The following ANO2 variants were observed in gnomAD, a reference collection of about 807,000 sequenced individuals.
ANO2 encodes anoctamin 2, also known as anoctamin-2.
Under a neutral mutation model 124.2 loss-of-function variants are expected in ANO2, and 101 were observed. The observed-to-expected ratio is 0.81, with a 90% CI of 0.69 to 0.96. ANO2 has a LOEUF of 0.96. ANO2 is among the 40% of genes least tolerant of loss of function. The pLI is 0.00. For synonymous variants in ANO2, 486 were observed against 482.5 expected, an observed-to-expected ratio of 1.01 and a Z score of -0.09; for missense variants, 1,293 against 1,274.5, an observed-to-expected ratio of 1.01 and a Z score of -0.22.
chr12:5,734,935 C>T (rs539973616), intron 13 of ANO2, among the ~76,000 whole-genome samples: 1 of 152,346 alleles, frequency 6.6e-6, no homozygotes, highest in East Asian at 1.9e-4. Context: ...CAGGCGTGAA[C>T]CACTGCACCC....
chr12:5,778,940 T>G (rs1003999200), intron 10 of ANO2, among the ~76,000 whole-genome samples: 2 of 152,218 alleles, frequency 1.3e-5, no homozygotes, highest in Non-Finnish European at 2.9e-5. Context: ...TGATTTATTT[T>G]TTGGTTCCCA....
At chr12:5,918,141 A>C (rs1941488079) in intron 3 of ANO2, among the ~76,000 whole-genome samples, 2 of 152,160 alleles carry the variant, frequency 1.3e-5, no homozygotes, top group Non-Finnish European at 2.9e-5. Flanking sequence ...TGGAGAGACC[A>C]TCTCAGCAGA....
intron 1 of ANO2, among the ~76,000 whole-genome samples, chr12:5,933,517 G>A (rs1942520765): frequency 6.6e-6 from 1 of 152,156 alleles, no homozygotes; most frequent in South Asian, 2.1e-4. Context: ...TGGGTGGATG[G>A]ACAGGTGGGT....
intron 19 of ANO2, among the ~76,000 whole-genome samples, chr12:5,605,084 G>T (rs1415730755): frequency 1.3e-5 from 2 of 152,074 alleles, no homozygotes; most frequent in Non-Finnish European, 2.9e-5. Flanking sequence ...CCCTAGACAG[G>T]TCCCTACAGA....
intron 12 of ANO2, among the ~76,000 whole-genome samples, chr12:5,742,356 A>T (rs1951122777): frequency 6.6e-6 from 1 of 152,220 alleles, no homozygotes; most frequent in South Asian, 2.1e-4. Context: ...AATCACATAA[A>T]GCACAGCAAG....
In ANO2 at chr12:5,578,006, TC is replaced by T. The variant is rs1942515592; in HGVS notation, c.2387del (p.Gly796GlufsTer60). ...RPDAVRTKDI[G>X]IWFDILSGIG... ...TTCCAGAGAGAATGTCAAACCAGAT[TC>T]CTACAAGACAGAAAAGACAGCGTCT... On this transcript the variant is annotated frameshift_variant and splice_region_variant, in exon 22 of 25. Coordinates refer to ENST00000682330, the MANE Select transcript of ANO2 (RefSeq NM_001364791.2). LOFTEE classifies it high-confidence loss of function. The T allele has an allele frequency of 2.5e-6, 4 of 1,613,672 alleles. No homozygotes were observed. The highest frequency in any genetic ancestry group is 3.4e-6 in the Non-Finnish European group (4 of 1,179,736).
At chr12:5,745,747 C>T (rs887292275) in intron 11 of ANO2, among the ~76,000 whole-genome samples, 18 of 152,174 alleles carry the variant, frequency 1.2e-4, no homozygotes, top group African/African-American at 4.3e-4. Context: ...ACCCCAGTTC[C>T]TCCACTGACT....
intron 7 of ANO2, among the ~76,000 whole-genome samples, chr12:5,817,838 A>G (rs539986103): frequency 6.6e-6 from 1 of 152,342 alleles, no homozygotes; most frequent in East Asian, 1.9e-4. Context: ...CAAGTCATCT[A>G]TATAGAGAAA....
chr12:5,804,814 A>G (rs1953142216), intron 9 of ANO2, among the ~76,000 whole-genome samples: 1 of 152,154 alleles, frequency 6.6e-6, no homozygotes, highest in South Asian at 2.1e-4. Context: ...GATCTCTCCT[A>G]TGACTTGCTG....
At chr12:5,713,205 A>C (rs561922729) in intron 14 of ANO2, among the ~76,000 whole-genome samples, 1 of 152,240 alleles carries the variant, frequency 6.6e-6, no homozygotes, top group South Asian at 2.1e-4. Context: ...GAGTGGTTCA[A>C]CCCTGCCATG....
At chr12:5,867,173 G>C (rs1955449199) in intron 3 of ANO2, among the ~76,000 whole-genome samples, 1 of 152,176 alleles carries the variant, frequency 6.6e-6, no homozygotes, top group African/African-American at 2.4e-5. Flanking sequence ...CTTTGAACAT[G>C]TACAAAGAAG....
chr12:5,625,591 T>C (rs1945357384), intron 16 of ANO2, among the ~76,000 whole-genome samples: 2 of 152,094 alleles, frequency 1.3e-5, no homozygotes, highest in Admixed American at 1.3e-4. Context: ...TTGGCCCCTG[T>C]GATTCTGCTC....
rs114291671 is a variant in ANO2 at position 5,655,077 on chromosome 12, C to T, written c.1546-7276G>A. On this transcript the variant is annotated intron_variant, in intron 14 of 24. Transcript: ENST00000682330. ...TGTGTCCAAATTGCCCCTCTCTCTA[C>T]GCAAGTCCCCTATTCTTCTATCCCT... is the stretch of plus-strand genomic sequence containing the variant. Among the ~76,000 whole-genome samples the T allele has an allele frequency of 2.9e-3, 440 of 152,264 alleles. 3 individuals are homozygous for T. The highest frequency in any genetic ancestry group is 0.01 in the African/African-American group (417 of 41,542).
chr12:5,715,490 T>C lies in ANO2; in HGVS notation c.1545+17030A>G, dbSNP rs368626857. Among the ~76,000 whole-genome samples, 100 of 152,202 alleles carry C rather than the reference T, an allele frequency of 6.6e-4. 1 individual carries two copies. The highest frequency in any genetic ancestry group is 1.7e-3 in the African/African-American group (72 of 41,516). ...ACCCATTCCCAGGATGAGATAAATTTCTCCCTAGCCAGAATTGGACCCCAA... is the reference window on the plus strand; with the variant it reads ...ACCCATTCCCAGGATGAGATAAATTCCTCCCTAGCCAGAATTGGACCCCAA... On this transcript the variant is annotated intron_variant, in intron 14 of 24. Coordinates refer to ENST00000682330, the MANE Select transcript of ANO2 (RefSeq NM_001364791.2).
intron 10 of ANO2, among the ~76,000 whole-genome samples, chr12:5,780,194 T>G (rs1952347075): frequency 6.6e-6 from 1 of 152,212 alleles, no homozygotes; most frequent in African/African-American, 2.4e-5. Flanking sequence ...TTAATATACC[T>G]CTATGCATAT....
chr12:5,587,815 C>T (rs1022346045), intron 20 of ANO2, among the ~76,000 whole-genome samples: 50 of 152,288 alleles, frequency 3.3e-4, no homozygotes, highest in African/African-American at 1.0e-3. Flanking sequence ...GGAGGCTCCC[C>T]ACCCCCATGC....
intron 10 of ANO2, among the ~76,000 whole-genome samples, chr12:5,783,166 C>T (rs994789885): frequency 2.0e-5 from 3 of 152,350 alleles, no homozygotes; most frequent in African/African-American, 7.2e-5. Flanking sequence ...CACACAAATG[C>T]CTGCCAAATC....
At chr12:5,912,866 A>G (rs560235688) in intron 3 of ANO2, among the ~76,000 whole-genome samples, 1 of 152,352 alleles carries the variant, frequency 6.6e-6, no homozygotes, top group South Asian at 2.1e-4. Flanking sequence ...GACTGTTCCT[A>G]CACTCAGGAG....
chr12:5,775,279 A>G (rs10849335), intron 10 of ANO2, among the ~76,000 whole-genome samples: 29,043 of 152,076 alleles, frequency 0.19, 3,277 homozygotes, highest in Admixed American at 0.26. Flanking sequence ...GTGCACACAC[A>G]CAGAGAGAGA....
Sources: gnomAD v4.1 joint callset for allele counts (sites outside exome capture counted in the v4.1 genomes callset) on GRCh38, gnomAD v4.1.1 for gene constraint, MANE v1.5 for transcripts, NCBI Gene and HGNC (gene_info 2026-07-23, HGNC 2026-07-21) for gene names.